The following CHRM3 variants were observed in gnomAD, a reference collection of about 807,000 sequenced individuals.
CHRM3 encodes the protein muscarinic acetylcholine receptor M3.
Under a neutral mutation model 41.8 loss-of-function variants are expected in CHRM3, and 11 were observed. That is an observed-to-expected ratio of 0.26 (90% CI 0.17 to 0.44). The LOEUF (loss-of-function observed/expected upper bound fraction) is 0.44, where lower values mean the gene tolerates loss of function less well. Among genes scored for constraint, CHRM3 ranks in the 20% least tolerant of loss-of-function variants. The pLI, the probability that CHRM3 is intolerant of heterozygous loss-of-function variation, is 1.00. For synonymous variants in CHRM3, 297 were observed against 301.4 expected, an observed-to-expected ratio of 0.99 and a Z score of 0.15; for missense variants, 571 against 745.4, an observed-to-expected ratio of 0.77 and a Z score of 2.72.
rs147629275 is a variant in CHRM3, at chr1:239,908,105, G to A, written c.654G>A (p.Pro218=). ...QYFVGKRTVP[P]GECFIQFLSE... is the part of the protein sequence containing the mutation. ...TTGTTGGAAAGAGAACTGTGCCTCC[G>A]GGAGAGTGCTTCATTCAGTTCCTCA... The change falls in exon 7 of 7, where the codon CCG becomes CCA. Residue 218 remains proline, a synonymous_variant. Coordinates refer to ENST00000676153, the MANE Select transcript of CHRM3 (RefSeq NM_001375978.1). The surrounding 1 kb of genome is among the most constrained non-coding windows in gnomAD (Gnocchi z 7.2). 5.3e-5 allele frequency: 86 copies of A among 1,614,036 alleles called. No homozygotes were observed. Among genetic ancestry groups the A allele is most frequent in the East Asian group, 1.6e-4 (7 of 44,870 alleles).
intron 5 of CHRM3, among the ~76,000 whole-genome samples, chr1:239,683,364 A>G (rs745416424): frequency 6.6e-6 from 1 of 152,180 alleles, no homozygotes; most frequent in Non-Finnish European, 1.5e-5. Flanking sequence ...TCAGATTAGA[A>G]GACTATATCT....
chr1:239,720,515 T>C (rs1662860465), intron 5 of CHRM3, among the ~76,000 whole-genome samples: 1 of 152,010 alleles, frequency 6.6e-6, no homozygotes, highest in Non-Finnish European at 1.5e-5. Context: ...AGACTTTTCA[T>C]GTTGCAGATA....
chr1:239,460,023 G>A (rs116394048), intron 1 of CHRM3, among the ~76,000 whole-genome samples: 2,703 of 152,224 alleles, frequency 0.018, 73 homozygotes, highest in African/African-American at 0.059. Flanking sequence ...TACCAAGGGA[G>A]AAATCAAGAC....
intron 1 of CHRM3, among the ~76,000 whole-genome samples, chr1:239,416,717 G>A (rs1296679039): frequency 6.6e-6 from 1 of 152,148 alleles, no homozygotes; most frequent in Non-Finnish European, 1.5e-5. Flanking sequence ...AGACTTTCTG[G>A]AAGGGTTTAT....
At chr1:239,398,442 G>A (rs1659683851) in intron 1 of CHRM3, among the ~76,000 whole-genome samples, 3 of 151,964 alleles carry the variant, frequency 2.0e-5, no homozygotes, top group Admixed American at 2.0e-4. Flanking sequence ...CACCATGTTG[G>A]TCAGGCTGGT....
rs184891474 is a variant in CHRM3 at position 239,911,124 on chromosome 1, C to T, written c.*1900C>T. On this transcript the variant is annotated 3_prime_UTR_variant, in exon 7 of 7. Transcript: ENST00000676153. ...ATGTCATCCTGTTGGCATCACCAAGCACCTAACTCTTTCTAGGTAATAAAA... is the reference window on the plus strand; with the variant it reads ...ATGTCATCCTGTTGGCATCACCAAGTACCTAACTCTTTCTAGGTAATAAAA... The T allele has an allele frequency of 1.7e-3, 283 of 167,094 alleles. 1 individual carries two copies. The highest frequency in any genetic ancestry group is 7.8e-4 in the Non-Finnish European group (53 of 68,102). 10.4% of individuals were successfully genotyped at this position (167,094 alleles called of 1,614,324 possible). A position where few individuals can be genotyped will look rare whatever the true frequency, so the allele number is the denominator to read the frequency against.
At chr1:239,604,968 C>T (rs67288160) in intron 3 of CHRM3, among the ~76,000 whole-genome samples, 2,570 of 152,090 alleles carry the variant, frequency 0.017, 28 homozygotes, top group Non-Finnish European at 0.026. Flanking sequence ...TAGTTTTTGC[C>T]ATGCAAACCT....
chr1:239,396,861 A>G (rs998296921), intron 1 of CHRM3, among the ~76,000 whole-genome samples: 1 of 152,224 alleles, frequency 6.6e-6, no homozygotes, highest in South Asian at 2.1e-4. Context: ...ACTTGACTTT[A>G]AATGTAAATC....
chr1:239,793,985 T>C lies in CHRM3; in HGVS notation c.-146-33267T>C, dbSNP rs190401679. 1.4e-3 allele frequency among the ~76,000 whole-genome samples: 214 copies of C among 151,914 alleles called. 1 individual carries two copies. The highest frequency in any genetic ancestry group is 5.1e-3 in the African/African-American group (212 of 41,398). On this transcript the variant is annotated intron_variant, in intron 5 of 6. Coordinates refer to ENST00000676153, the MANE Select transcript of CHRM3 (RefSeq NM_001375978.1). ...CACCCCACCACACCCAGCTAATGTT[T>C]GCATATTTTGTATAGACAGGGTGTT...
At chr1:239,656,379 T>C (rs1210362731) in intron 4 of CHRM3, among the ~76,000 whole-genome samples, 8 of 151,400 alleles carry the variant, frequency 5.3e-5, no homozygotes, top group Non-Finnish European at 1.2e-4. Context: ...CCCAACACTT[T>C]GGGAGGCTGA....
rs142159490 is a variant in CHRM3 at position 239,568,416 on chromosome 1, A to T, written c.-313+22667A>T. Reference sequence around the variant, plus strand: ...CTTGCCTCTCATTCTTTTGTCTGCCACCATGGAAGACATGCCTTTCACCTT... The same window carrying T: ...CTTGCCTCTCATTCTTTTGTCTGCCTCCATGGAAGACATGCCTTTCACCTT... On this transcript the variant is annotated intron_variant, in intron 3 of 6. Transcript: ENST00000676153. Among the ~76,000 whole-genome samples the T allele has an allele frequency of 4.5e-4, 68 of 152,214 alleles. No individual in the cohort carries two copies. The East Asian group carries it at 7.4e-3, about 16-fold the overall frequency.
chr1:239,819,358 T>C (rs2149034381), intron 5 of CHRM3, among the ~76,000 whole-genome samples: 1 of 152,320 alleles, frequency 6.6e-6, no homozygotes, highest in South Asian at 2.1e-4. Flanking sequence ...TTACACATTC[T>C]GAGGTTTCCA....
chr1:239,582,038 C>T (rs1032402493), intron 3 of CHRM3, among the ~76,000 whole-genome samples: 18 of 152,234 alleles, frequency 1.2e-4, no homozygotes, highest in African/African-American at 4.3e-4. Flanking sequence ...AAGTACTCTG[C>T]AAATACATGC....
chr1:239,430,124 AC>A (rs1370719890), intron 1 of CHRM3, among the ~76,000 whole-genome samples: 1 of 151,226 alleles, frequency 6.6e-6, no homozygotes, highest in Non-Finnish European at 1.5e-5. Flanking sequence ...CCACCACCAC[AC>A]CTGGCTAATT....
At chr1:239,514,923 C>G (rs969808243) in intron 2 of CHRM3, among the ~76,000 whole-genome samples, 2 of 152,098 alleles carry the variant, frequency 1.3e-5, no homozygotes, top group African/African-American at 4.8e-5. Flanking sequence ...GAAGGACTCT[C>G]TCAATGCATC....
chr1:239,507,059 C>T (rs1049936259), intron 2 of CHRM3, among the ~76,000 whole-genome samples: 1 of 152,176 alleles, frequency 6.6e-6, no homozygotes, highest in African/African-American at 2.4e-5. Context: ...TTTACAGTCT[C>T]ATAAGCAGAA....
Position 239,492,709 on chromosome 1 carries a change from AAAG to A in CHRM3, c.-516_-514del, listed in dbSNP as rs1408453190. 1.3e-5 allele frequency: 2 copies of A among 152,238 alleles called. No individual in the cohort carries two copies. Among genetic ancestry groups the A allele is most frequent in the Non-Finnish European group, 2.9e-5 (2 of 68,084 alleles). The allele number at this position is 152,238 out of a possible 1,614,324, so 9.4% of individuals were successfully genotyped here. ...GACCGTCTTTTTTCTCTGTCTGCAG[AAAG>A]AAGGACTTTGCTGCTTTGGGCCAGG... On this transcript the variant is annotated splice_region_variant and 5_prime_UTR_variant, in exon 2 of 7. Transcript: ENST00000676153.
chr1:239,428,545 ATACAT>A (rs1662575578), intron 1 of CHRM3, among the ~76,000 whole-genome samples: 6 of 152,250 alleles, frequency 3.9e-5, no homozygotes, highest in African/African-American at 7.2e-5. Flanking sequence ...CACACATTCC[ATACAT>A]GTTTGTTGAA....
intron 1 of CHRM3, among the ~76,000 whole-genome samples, chr1:239,455,239 C>T (rs142970064): frequency 1.7e-3 from 253 of 152,056 alleles, no homozygotes; most frequent in African/African-American, 5.5e-3. Context: ...TTAGTAGACA[C>T]GGGGTTTCTC....
Sources: gnomAD v4.1 joint callset for allele counts (sites outside exome capture counted in the v4.1 genomes callset) on GRCh38, gnomAD v4.1.1 for gene constraint, Gnocchi (gnomAD v3.1) non-coding constraint, MANE v1.5 for transcripts, NCBI Gene and HGNC (gene_info 2026-07-23, HGNC 2026-07-21) for gene names.